BLK: variants seen among roughly 807,000 people sequenced by gnomAD.
BLK encodes BLK proto-oncogene, Src family tyrosine kinase.
Under a neutral mutation model 61.8 loss-of-function variants are expected in BLK, and 64 were observed. That is an observed-to-expected ratio of 1.03 (90% CI 0.85 to 1.27). BLK has a LOEUF of 1.27. Among genes scored for constraint, BLK ranks in the 50% most tolerant of loss-of-function variants. The probability of loss-of-function intolerance (pLI) is 0.00; values close to 1 mark genes in which losing one functional copy is unlikely to be tolerated. For missense variants in BLK, 853 were observed against 660.5 expected, an observed-to-expected ratio of 1.29 and a Z score of -3.19; for synonymous variants, 351 against 272.0, an observed-to-expected ratio of 1.29 and a Z score of -2.86.
At chr8:11,509,250 G>T (rs755218998) in intron 1 of BLK, 1 of 152,180 alleles carries the variant, frequency 6.6e-6, no homozygotes, top group African/African-American at 2.4e-5. Context: ...ACCCCAGCTC[G>T]GTTTCCAGCA....
chr8:11,514,869 G>T (rs1489273093), intron 1 of BLK, among the ~76,000 whole-genome samples: 2 of 152,138 alleles, frequency 1.3e-5, no homozygotes, highest in Non-Finnish European at 2.9e-5. Context: ...TACAGTCCCA[G>T]ATCATTTCTG....
intron 5 of BLK, 28 bp downstream of exon 5, chr8:11,549,150 G>T (rs1800792402): frequency 1.3e-6 from 2 of 1,559,184 alleles, no homozygotes; most frequent in South Asian, 2.4e-5. Flanking sequence ...CCCCCCTCGA[G>T]CCAAGATGCA....
At chr8:11,519,094 T>C (rs1281065179) in intron 1 of BLK, among the ~76,000 whole-genome samples, 1 of 152,176 alleles carries the variant, frequency 6.6e-6, no homozygotes, top group Admixed American at 6.5e-5. Flanking sequence ...TCTGCTCTCC[T>C]CCCTGCATCA....
chr8:11,544,593 T>A (rs904360294), intron 2 of BLK, among the ~76,000 whole-genome samples: 6 of 152,206 alleles, frequency 3.9e-5, no homozygotes, highest in African/African-American at 1.4e-4. Context: ...CCCAAAATTA[T>A]ATGATAATAA....
In BLK at chr8:11,542,726, T is replaced by C. The variant is rs146606183; in HGVS notation, c.-1-498T>C. ...ATCAATCTGTCCTAAATGTATATAGTGTCTCACCCAAAAATCTGAGAGGGA... is the reference window on the plus strand; with the variant it reads ...ATCAATCTGTCCTAAATGTATATAGCGTCTCACCCAAAAATCTGAGAGGGA... On this transcript the variant is annotated intron_variant, in intron 1 of 12. Transcript: ENST00000259089. Among the ~76,000 whole-genome samples the C allele has an allele frequency of 5.3e-4, 81 of 152,352 alleles. 2 individuals are homozygous for C. The East Asian group carries it at 0.015, about 28-fold the overall frequency.
intron 1 of BLK, among the ~76,000 whole-genome samples, chr8:11,519,306 C>G (rs1033232934): frequency 6.6e-6 from 1 of 152,224 alleles, no homozygotes; most frequent in Non-Finnish European, 1.5e-5. Flanking sequence ...CACAGCGTTT[C>G]TGGACAGCAA....
chr8:11,496,737 G>A (rs1798372366), intron 1 of BLK, among the ~76,000 whole-genome samples: 2 of 152,200 alleles, frequency 1.3e-5, no homozygotes, highest in Non-Finnish European at 1.5e-5. Context: ...CAGGCCCCTG[G>A]GGGAGTACAG....
intron 1 of BLK, among the ~76,000 whole-genome samples, chr8:11,519,903 C>T (rs185374290): frequency 6.6e-6 from 1 of 152,142 alleles, no homozygotes; most frequent in Non-Finnish European, 1.5e-5. Flanking sequence ...AAGAAATACA[C>T]CAAAATATTC....
intron 1 of BLK, among the ~76,000 whole-genome samples, chr8:11,499,713 T>C (rs927382611): frequency 1.3e-5 from 2 of 152,222 alleles, no homozygotes; most frequent in African/African-American, 4.8e-5. Flanking sequence ...ATGGATGTCT[T>C]ACAGACACTG....
intron 6 of BLK, chr8:11,554,176 T>C (rs1459953282): frequency 6.1e-6 from 1 of 163,724 alleles, no homozygotes; most frequent in African/African-American, 2.4e-5. Flanking sequence ...TGACATCTGC[T>C]ACCACTTGCC....
intron 1 of BLK, among the ~76,000 whole-genome samples, chr8:11,501,562 A>G (rs2618470): frequency 0.072 from 11,037 of 152,258 alleles, 1,295 homozygotes; most frequent in African/African-American, 0.25. Context: ...TATTGTATAC[A>G]TACATAAGTT....
chr8:11,546,530 C>T (rs893613580), intron 3 of BLK, among the ~76,000 whole-genome samples: 3 of 152,176 alleles, frequency 2.0e-5, no homozygotes, highest in African/African-American at 4.8e-5. Flanking sequence ...TCGAGAGTCC[C>T]GCTGCTGACC....
In BLK at chr8:11,549,082, A is replaced by C; in HGVS notation, c.328A>C (p.Ser110Arg). 1 of 1,611,890 alleles carries C rather than the reference A, an allele frequency of 6.2e-7. No individual in the cohort carries two copies. Among genetic ancestry groups the C allele is most frequent in the South Asian group, 1.1e-5 (1 of 90,080 alleles). ...CACAGGAAGAGAAGGCTATGTGCCC[A>C]GTAACTTTGTGGCCCGAGTGGAGAG... ...LVTGREGYVP[S>R]NFVARVESLE... The change falls in exon 5 of 13, where the codon AGT (serine) becomes CGT (arginine). Residue 110 changes from serine (S) to arginine (R), a missense_variant. By Grantham distance (110) the Ser-to-Arg change is moderately radical. Coordinates refer to ENST00000259089, the MANE Select transcript of BLK (RefSeq NM_001715.3).
At chr8:11,512,946 C>T (rs533601589) in intron 1 of BLK, among the ~76,000 whole-genome samples, 28 of 152,268 alleles carry the variant, frequency 1.8e-4, no homozygotes, top group Non-Finnish European at 3.1e-4. Context: ...GGATTACAGG[C>T]GTGAGCCACC....
At chr8:11,498,920 T>A (rs1171709453) in intron 1 of BLK, among the ~76,000 whole-genome samples, 2 of 152,250 alleles carry the variant, frequency 1.3e-5, no homozygotes, top group Non-Finnish European at 2.9e-5. Flanking sequence ...GGGGTCCTTG[T>A]ACTTCAAAAA....
chr8:11,549,232 C>T (rs1800796430), intron 5 of BLK, 110 bp downstream of exon 5: 2 of 978,536 alleles, frequency 2.0e-6, no homozygotes, highest in Non-Finnish European at 3.2e-6. Flanking sequence ...AGCCTGCAGG[C>T]ACTAGCAAAG....
intron 1 of BLK, among the ~76,000 whole-genome samples, chr8:11,530,409 C>CTGTA (rs1799838477): frequency 3.3e-5 from 5 of 152,228 alleles, no homozygotes; most frequent in African/African-American, 1.2e-4. Flanking sequence ...CTTTCATCAT[C>CTGTA]TCTGTAGGTC....
At position 11,558,635 on chromosome 8, in the gene BLK, A is replaced by C. The variant is rs545467995; in HGVS notation, c.1029+597A>C. On this transcript the variant is annotated intron_variant, in intron 10 of 12. Coordinates refer to ENST00000259089, the MANE Select transcript of BLK (RefSeq NM_001715.3). ...CCTTGGCTACCCAGGACTGGTCCTC[A>C]GTGTCCCTCACGTTCACATGCAGAA... The C allele has an allele frequency of 1.7e-3, 755 of 455,946 alleles. 6 individuals are homozygous for C. Among genetic ancestry groups the C allele is most frequent in the South Asian group, 3.1e-3 (199 of 64,536 alleles). The allele number at this position is 455,946 out of a possible 1,614,324, so 28.2% of individuals were successfully genotyped here.
chr8:11,556,420 G>C, intron 8 of BLK: 1 of 569,098 alleles, frequency 1.8e-6, no homozygotes, highest in Non-Finnish European at 3.2e-6. Context: ...AGGGTGTGGG[G>C]CAAATAGGTG....
Sources: gnomAD v4.1 joint callset for allele counts (sites outside exome capture counted in the v4.1 genomes callset) on GRCh38, gnomAD v4.1.1 for gene constraint, MANE v1.5 for transcripts, NCBI Gene and HGNC (gene_info 2026-07-23, HGNC 2026-07-21) for gene names.